The following UBA3 variants were observed in gnomAD, a reference collection of about 807,000 sequenced individuals.
The protein encoded by UBA3 is NEDD8-activating enzyme E1 catalytic subunit.
UBA3 carries 26 observed loss-of-function variants against 73.5 expected under a neutral mutation model. That is an observed-to-expected ratio of 0.35 (90% CI 0.26 to 0.49). The LOEUF (loss-of-function observed/expected upper bound fraction) is 0.49, where lower values mean the gene tolerates loss of function less well. UBA3 is among the 20% of genes least tolerant of loss of function. The probability of loss-of-function intolerance (pLI) is 0.98; values close to 1 mark genes in which losing one functional copy is unlikely to be tolerated. For synonymous variants in UBA3, 217 were observed against 191.2 expected (o/e 1.13, Z -1.11); for missense variants, 495 against 555.6 (o/e 0.89, Z 1.10).
intron 5 of UBA3, among the ~76,000 whole-genome samples, chr3:69,070,678 G>A (rs2092114312): frequency 6.6e-6 from 1 of 151,934 alleles, no homozygotes; most frequent in South Asian, 2.1e-4. Flanking sequence ...TTTGAGACAG[G>A]GTCTCGCTCT....
At chr3:69,071,480 T>A in intron 5 of UBA3, 55 bp downstream of exon 5, 1 of 954,080 alleles carries the variant, frequency 1.0e-6, no homozygotes, top group Non-Finnish European at 1.6e-6. Context: ...AATGTACAAG[T>A]TCAAATGATT....
At chr3:69,077,027 C>G (rs768093831) in intron 3 of UBA3, among the ~76,000 whole-genome samples, 3 of 138,870 alleles carry the variant, frequency 2.2e-5, no homozygotes. Flanking sequence ...AATTATCAGG[C>G]AAAAAAAAAA....
intron 7 of UBA3, 52 bp downstream of exon 7, chr3:69,064,016 A>G: frequency 6.8e-7 from 1 of 1,479,544 alleles, no homozygotes; most frequent in Non-Finnish European, 9.3e-7. Flanking sequence ...ATAGCTACCA[A>G]CTAAAAAATT....
At chr3:69,064,912 A>C (rs1365469142) in intron 6 of UBA3, among the ~76,000 whole-genome samples, 1 of 152,196 alleles carries the variant, frequency 6.6e-6, no homozygotes, top group Non-Finnish European at 1.5e-5. Context: ...AATACAGAGA[A>C]AAAAGGGACA....
rs568411425 is a variant in UBA3, at chr3:69,060,657, T to C, written c.910+1157A>G. Among the ~76,000 whole-genome samples, 6 of 152,302 alleles carry C rather than the reference T, an allele frequency of 3.9e-5. No homozygotes were observed. The East Asian group carries it at 1.2e-3, about 29-fold the overall frequency. On this transcript the variant is annotated intron_variant, in intron 11 of 17. Transcript: ENST00000361055. ...GTACAACATATCAAAGGGTTGGATA[T>C]AGTTTGGATATCTGTCCCCTCCAAA... is the stretch of plus-strand genomic sequence containing the variant.
At chr3:69,069,649 G>A (rs1247180479) in intron 5 of UBA3, among the ~76,000 whole-genome samples, 1 of 152,090 alleles carries the variant, frequency 6.6e-6, no homozygotes, top group Admixed American at 6.6e-5. Flanking sequence ...CTCCAATAAA[G>A]CACTGTTCTT....
intron 6 of UBA3, among the ~76,000 whole-genome samples, chr3:69,065,918 A>G (rs1257909437): frequency 6.6e-6 from 1 of 151,884 alleles, no homozygotes; most frequent in African/African-American, 2.4e-5. Context: ...TTTTAGTAAA[A>G]TATCTCTTCC....
intron 11 of UBA3, among the ~76,000 whole-genome samples, chr3:69,060,668 T>C (rs1459328538): frequency 3.9e-5 from 6 of 152,204 alleles, no homozygotes; most frequent in African/African-American, 1.2e-4. Flanking sequence ...AGTTTGGATA[T>C]CTGTCCCCTC....
chr3:69,069,387 G>C (rs1051124516), intron 5 of UBA3, among the ~76,000 whole-genome samples: 5 of 152,110 alleles, frequency 3.3e-5, no homozygotes, highest in African/African-American at 7.2e-5. Flanking sequence ...GAGTGCAGTG[G>C]CACAATCTCG....
At chr3:69,077,655 A>C in intron 3 of UBA3, 143 bp downstream of exon 3, 2 of 854,794 alleles carry the variant, frequency 2.3e-6, no homozygotes, top group Non-Finnish European at 3.3e-6. Flanking sequence ...TGAATATTCA[A>C]TCTCATATTT....
chr3:69,072,544 C>T (rs1575844580), intron 4 of UBA3, among the ~76,000 whole-genome samples: 1 of 152,204 alleles, frequency 6.6e-6, no homozygotes, highest in Admixed American at 6.5e-5. Flanking sequence ...ACTTCCTCCA[C>T]CCTAAAACAT....
chr3:69,071,660 C>T (rs766338425), intron 4 of UBA3, 43 bp from the exon 5 acceptor site: 1 of 1,237,722 alleles, frequency 8.1e-7, no homozygotes, highest in South Asian at 1.4e-5. Context: ...AGTTTCCTCA[C>T]ATTTAAAAAC....
At chr3:69,055,788 T>TACTC in intron 17 of UBA3, 63 bp downstream of exon 17, 1 of 1,493,386 alleles carries the variant, frequency 6.7e-7, no homozygotes, top group East Asian at 2.3e-5. Context: ...CAAGCACTGA[T>TACTC]TACTTTCACC....
intron 5 of UBA3, among the ~76,000 whole-genome samples, chr3:69,068,500 GAAAA>G (rs1226185032): frequency 3.3e-4 from 14 of 42,854 alleles, no homozygotes; most frequent in Admixed American, 2.9e-3. Flanking sequence ...GCATGAAAAA[GAAAA>G]AAAAAGAAAA....
At chr3:69,079,679 T>C (rs2092201107) in intron 2 of UBA3, 1 of 179,086 alleles carries the variant, frequency 5.6e-6, no homozygotes. Flanking sequence ...ACATGTAGAG[T>C]TATCATTAAA....
rs1349880085 is a variant in UBA3 at position 69,064,044 on chromosome 3, A to C, written c.472+24T>G. The stretch of plus-strand genomic sequence containing the variant: ...AAAAAATTCTAAGAATCTAGTGAGC[A>C]TTAATTTCAAGTAAAAAACTTACGT... On this transcript the variant is annotated intron_variant, in intron 7 of 17. Coordinates refer to ENST00000361055, the MANE Select transcript of UBA3 (RefSeq NM_003968.4). 2.0e-5 allele frequency: 32 copies of C among 1,590,952 alleles called. No individual in the cohort carries two copies. The Admixed American group carries it at 5.5e-4, about 27-fold the overall frequency.
intron 2 of UBA3, among the ~76,000 whole-genome samples, chr3:69,078,269 G>A (rs1326132316): frequency 6.6e-6 from 1 of 152,094 alleles, no homozygotes; most frequent in Admixed American, 6.5e-5. Flanking sequence ...AACACTGCAA[G>A]CTTCCTCAAT....
chr3:69,060,722 C>G (rs1467633573), intron 11 of UBA3, among the ~76,000 whole-genome samples: 2 of 151,960 alleles, frequency 1.3e-5, no homozygotes, highest in African/African-American at 4.8e-5. Flanking sequence ...GGAGGTGAGG[C>G]CTAGTGGGAG....
chr3:69,063,532 T>G (rs1575835213), intron 7 of UBA3, 29 bp from the exon 8 acceptor site: 1 of 1,510,676 alleles, frequency 6.6e-7, no homozygotes, highest in Non-Finnish European at 8.9e-7. Context: ...GCAACTTTAG[T>G]TTTTAAATAT....
Sources: allele counts gnomAD v4.1 joint callset (sites outside exome capture counted in the v4.1 genomes callset), GRCh38; gene constraint gnomAD v4.1.1; transcripts MANE v1.5; gene names NCBI Gene and HGNC (gene_info 2026-07-23, HGNC 2026-07-21).